The following AKAP6 variants were observed in gnomAD, a reference collection of about 807,000 sequenced individuals.
AKAP6 encodes A-kinase anchoring protein 6.
Under a neutral mutation model 188.5 loss-of-function variants are expected in AKAP6, and 58 were observed. That is an observed-to-expected ratio of 0.31 (90% CI 0.25 to 0.38). The LOEUF is 0.38. AKAP6 is among the 10% of genes least tolerant of loss of function. The probability of loss-of-function intolerance (pLI) is 1.00; values close to 1 mark genes in which losing one functional copy is unlikely to be tolerated. For synonymous variants in AKAP6, 989 were observed against 998.6 expected (o/e 0.99, Z 0.18); for missense variants, 2,710 against 2,740.0 (o/e 0.99, Z 0.24).
chr14:32,665,133 C>T (rs1888869889), intron 7 of AKAP6, among the ~76,000 whole-genome samples: 1 of 151,974 alleles, frequency 6.6e-6, no homozygotes, highest in Admixed American at 6.6e-5. Flanking sequence ...AGAGTTCTCC[C>T]CATACACCAA....
At chr14:32,618,405 T>G (rs192921546) in intron 7 of AKAP6, among the ~76,000 whole-genome samples, 1 of 152,338 alleles carries the variant, frequency 6.6e-6, no homozygotes, top group Non-Finnish European at 1.5e-5. Context: ...TGCCTTTGCA[T>G]ACCCATAGCT....
intron 2 of AKAP6, chr14:32,494,135 T>A (rs2138957448): frequency 6.6e-6 from 1 of 152,320 alleles, no homozygotes; most frequent in East Asian, 1.9e-4. Context: ...ACTTCTCTCA[T>A]AATGAGATTT....
intron 5 of AKAP6, among the ~76,000 whole-genome samples, chr14:32,580,339 A>C (rs1884906263): frequency 6.6e-6 from 1 of 152,060 alleles, no homozygotes; most frequent in Non-Finnish European, 1.5e-5. Flanking sequence ...GGAAAATATC[A>C]TTCTGGAAAG....
chr14:32,520,276 A>G (rs1881751779), intron 2 of AKAP6, among the ~76,000 whole-genome samples: 1 of 152,220 alleles, frequency 6.6e-6, no homozygotes, highest in African/African-American at 2.4e-5. Context: ...CTAACATCAC[A>G]ATTAAAAGAA....
At chr14:32,360,373 C>T (rs1026170603) in intron 1 of AKAP6, among the ~76,000 whole-genome samples, 5 of 152,080 alleles carry the variant, frequency 3.3e-5, no homozygotes, top group Non-Finnish European at 5.9e-5. Context: ...GGGATCCGTC[C>T]GCCTTGGCCT....
rs575623486 is a variant in AKAP6 at position 32,805,036 on chromosome 14, CAT to C, written c.3589-16365_3589-16364del. Among the ~76,000 whole-genome samples, 24 of 152,290 alleles carry C rather than the reference CAT, an allele frequency of 1.6e-4. 1 individual carries two copies. The South Asian group carries it at 3.7e-3, about 24-fold the overall frequency. On this transcript the variant is annotated intron_variant, in intron 12 of 13. Coordinates refer to ENST00000280979, the MANE Select transcript of AKAP6 (RefSeq NM_004274.5). The stretch of plus-strand genomic sequence containing the variant: ...GCACTGATTTCATATTTTTCAAACA[CAT>C]GTTTTACAATCAATTTGTACAGTTA...
At chr14:32,451,643 A>T (rs1890936808) in intron 2 of AKAP6, among the ~76,000 whole-genome samples, 1 of 152,176 alleles carries the variant, frequency 6.6e-6, no homozygotes, top group Admixed American at 6.5e-5. Context: ...TTGTTGTTTA[A>T]ACAAAACATT....
chr14:32,530,821 C>A (rs1209733093), intron 2 of AKAP6, among the ~76,000 whole-genome samples: 1 of 151,946 alleles, frequency 6.6e-6, no homozygotes, highest in Non-Finnish European at 1.5e-5. Context: ...AAAAAGTGTA[C>A]AATAATATGT....
chr14:32,785,907 A>T (rs1354568563), intron 12 of AKAP6, among the ~76,000 whole-genome samples: 1 of 152,226 alleles, frequency 6.6e-6, no homozygotes, highest in Admixed American at 6.5e-5. Context: ...TTTAAAAAAA[A>T]ACTGGTGAAG....
intron 8 of AKAP6, among the ~76,000 whole-genome samples, chr14:32,686,586 A>C (rs1431508789): frequency 6.6e-6 from 1 of 152,162 alleles, no homozygotes; most frequent in African/African-American, 2.4e-5. Context: ...TGTACCCACA[A>C]AAATTAAAAA....
At chr14:32,439,814 A>G (rs1189776688) in intron 2 of AKAP6, among the ~76,000 whole-genome samples, 1 of 152,190 alleles carries the variant, frequency 6.6e-6, no homozygotes, top group East Asian at 1.9e-4. Flanking sequence ...TCTGATCTTA[A>G]TGTTAACTTG....
intron 7 of AKAP6, among the ~76,000 whole-genome samples, chr14:32,603,395 A>G (rs1013145302): frequency 2.0e-5 from 3 of 152,184 alleles, no homozygotes; most frequent in African/African-American, 7.2e-5. Flanking sequence ...TGAAGTGGAC[A>G]CTTTGAAATC....
chr14:32,542,308 G>T (rs1010670031), intron 3 of AKAP6, among the ~76,000 whole-genome samples: 1 of 152,078 alleles, frequency 6.6e-6, no homozygotes, highest in African/African-American at 2.4e-5. Context: ...CTAAAATGTT[G>T]TCATTCATTC....
intron 1 of AKAP6, among the ~76,000 whole-genome samples, chr14:32,389,469 T>G (rs1888637901): frequency 6.6e-6 from 1 of 152,160 alleles, no homozygotes; most frequent in African/African-American, 2.4e-5. Flanking sequence ...AAAGAAGTTC[T>G]TTTTTGCTGT....
At chr14:32,510,509 G>T (rs1881204962) in intron 2 of AKAP6, among the ~76,000 whole-genome samples, 1 of 125,060 alleles carries the variant, frequency 8.0e-6, no homozygotes, top group African/African-American at 3.1e-5. Context: ...TATATATGAA[G>T]AATTACCTAC....
intron 3 of AKAP6, among the ~76,000 whole-genome samples, chr14:32,543,981 G>A (rs1220333893): frequency 6.6e-6 from 1 of 152,200 alleles, no homozygotes; most frequent in East Asian, 1.9e-4. Context: ...AGATGTTATG[G>A]AATGAGAGTG....
intron 12 of AKAP6, among the ~76,000 whole-genome samples, chr14:32,814,499 C>T (rs943056152): frequency 1.3e-5 from 2 of 152,134 alleles, no homozygotes; most frequent in African/African-American, 2.4e-5. Flanking sequence ...TGGAATCATA[C>T]AATATATGAC....
chr14:32,373,055 C>A (rs75799866), intron 1 of AKAP6, among the ~76,000 whole-genome samples: 1 of 149,394 alleles, frequency 6.7e-6, no homozygotes, highest in East Asian at 2.0e-4. Context: ...ACGGTTCTAG[C>A]TCTTTATAAT....
chr14:32,723,513 C>T (rs1594883054), intron 9 of AKAP6, among the ~76,000 whole-genome samples: 1 of 150,452 alleles, frequency 6.6e-6, no homozygotes, highest in East Asian at 2.0e-4. Flanking sequence ...CAACATAGAA[C>T]AATTTTGAGA....
Sources: gnomAD v4.1 joint callset for allele counts (sites outside exome capture counted in the v4.1 genomes callset) on GRCh38, gnomAD v4.1.1 for gene constraint, MANE v1.5 for transcripts, NCBI Gene and HGNC (gene_info 2026-07-23, HGNC 2026-07-21) for gene names.